CASK: variants seen among roughly 807,000 people sequenced by gnomAD.
CASK encodes peripheral plasma membrane protein CASK.
In CASK, 4 loss-of-function variants were observed where a neutral mutation model predicts 82.9. The observed-to-expected ratio is 0.05, with a 90% confidence interval of 0.02 to 0.11. The LOEUF is 0.11. Among genes scored for constraint, CASK ranks in the 10% least tolerant of loss-of-function variants. The pLI, the probability that CASK is intolerant of heterozygous loss-of-function variation, is 1.00. For synonymous variants in CASK, 259 were observed against 253.5 expected, an observed-to-expected ratio of 1.02 and a Z score of -0.20; for missense variants, 358 against 720.9, an observed-to-expected ratio of 0.50 and a Z score of 5.76.
chrX:41,886,873 C>T (rs1016264254), intron 1 of CASK, among the ~76,000 whole-genome samples: 27 of 111,130 alleles, frequency 2.4e-4, no homozygotes, highest in African/African-American at 8.1e-4. Flanking sequence ...TCTTTGACAC[C>T]AGGCATATAT....
chrX:41,723,580 G>A (rs894690172), intron 5 of CASK, among the ~76,000 whole-genome samples: 1 of 111,502 alleles, frequency 9.0e-6, no homozygotes, highest in Non-Finnish European at 1.9e-5. Flanking sequence ...AATGGAGATA[G>A]TGCAGGGCAA....
At chrX:41,750,852 T>C (rs2068775871) in intron 3 of CASK, among the ~76,000 whole-genome samples, 1 of 111,588 alleles carries the variant, frequency 9.0e-6, no homozygotes, top group South Asian at 3.7e-4. Flanking sequence ...AGGCACAAAA[T>C]CACGTGCTAT....
At chrX:41,801,728 C>T (rs957135508) in intron 2 of CASK, among the ~76,000 whole-genome samples, 1 of 111,365 alleles carries the variant, frequency 9.0e-6, no homozygotes, top group Non-Finnish European at 1.9e-5. Flanking sequence ...TATCTTTGGC[C>T]AAGCAAATTA....
rs375234421 is a variant in CASK, at chrX:41,837,871, T to C, written c.172+15244A>G. 8.9e-5 allele frequency among the ~76,000 whole-genome samples: 10 copies of C among 112,147 alleles called. No individual in the cohort carries two copies. In the East Asian group the frequency reaches 2.2e-3, roughly 25 times the overall value. ...GATGTACATTTCCCAGGAGTACACT[T>C]GCTGGGTTGTATGGCAAATGTATGT... On this transcript the variant is annotated intron_variant, in intron 2 of 26. Coordinates refer to ENST00000378163, the MANE Select transcript of CASK (RefSeq NM_001367721.1).
At chrX:41,689,011 A>T (rs2067494118) in intron 5 of CASK, 1 of 111,434 alleles carries the variant, frequency 9.0e-6, no homozygotes, top group Non-Finnish European at 1.9e-5. Context: ...AGCCCAGCTG[A>T]CACAACCAAG....
At chrX:41,836,474 C>T (rs1206199286) in intron 2 of CASK, among the ~76,000 whole-genome samples, 1 of 110,191 alleles carries the variant, frequency 9.1e-6, no homozygotes, top group African/African-American at 3.3e-5. Context: ...CCTTAAGAAT[C>T]TATAATTAAT....
intron 1 of CASK, among the ~76,000 whole-genome samples, chrX:41,892,758 A>T (rs759955969): frequency 2.7e-5 from 3 of 112,289 alleles, no homozygotes; most frequent in South Asian, 7.4e-4. Context: ...CTTAAAAAAA[A>T]TCTGAAATCT....
chrX:41,889,341 T>C (rs1284222514), intron 1 of CASK, among the ~76,000 whole-genome samples: 1 of 110,575 alleles, frequency 9.0e-6, no homozygotes, highest in Non-Finnish European at 1.9e-5. Context: ...TTATGGCCAT[T>C]CTTGCAGGAG....
intron 9 of CASK, among the ~76,000 whole-genome samples, chrX:41,632,951 G>C (rs1438739862): frequency 9.4e-6 from 1 of 106,632 alleles, no homozygotes; most frequent in African/African-American, 3.4e-5. Flanking sequence ...GCTGAGGCAG[G>C]ATAATCACTT....
intron 12 of CASK, among the ~76,000 whole-genome samples, chrX:41,591,722 G>A (rs990511235): frequency 1.8e-5 from 2 of 109,873 alleles, no homozygotes; most frequent in Non-Finnish European, 3.8e-5. Context: ...TGATCCGCCC[G>A]CCTCGGCCTC....
At chrX:41,821,399 T>G (rs1195034063) in intron 2 of CASK, among the ~76,000 whole-genome samples, 1 of 111,646 alleles carries the variant, frequency 9.0e-6, no homozygotes, top group African/African-American at 3.3e-5. Flanking sequence ...ATGGCTAAAA[T>G]TAAAAAGGAT....
At chrX:41,836,604 T>C (rs1365393250) in intron 2 of CASK, among the ~76,000 whole-genome samples, 1 of 111,722 alleles carries the variant, frequency 9.0e-6, no homozygotes, top group Non-Finnish European at 1.9e-5. Flanking sequence ...TGAGTTTTCA[T>C]TTTAAATATT....
intron 5 of CASK, among the ~76,000 whole-genome samples, chrX:41,714,826 T>C (rs904079472): frequency 8.9e-6 from 1 of 112,051 alleles, no homozygotes; most frequent in Non-Finnish European, 1.9e-5. Flanking sequence ...CAAATGGGGA[T>C]GGCAGTGCCC....
chrX:41,798,599 C>T (rs913261382), intron 2 of CASK, among the ~76,000 whole-genome samples: 2 of 112,495 alleles, frequency 1.8e-5, no homozygotes, highest in Non-Finnish European at 3.8e-5. Flanking sequence ...CTTTGGGAGG[C>T]CAAGGCAGGT....
chrX:41,826,884 T>C (rs747053092), intron 2 of CASK, among the ~76,000 whole-genome samples: 45 of 112,509 alleles, frequency 4.0e-4, no homozygotes, highest in African/African-American at 1.1e-3. Flanking sequence ...AGTGTAATTG[T>C]ATCCCTTTCA....
chrX:41,848,462 C>T (rs966743559), intron 2 of CASK, among the ~76,000 whole-genome samples: 11 of 111,762 alleles, frequency 9.8e-5, no homozygotes, highest in Non-Finnish European at 1.5e-4. Flanking sequence ...TCTCTTGCTT[C>T]CTCTCTTGCC....
At chrX:41,918,084 C>T (rs17250107) in intron 1 of CASK, among the ~76,000 whole-genome samples, 5,673 of 111,823 alleles carry the variant, frequency 0.051, 143 homozygotes, top group Non-Finnish European at 0.075. Context: ...GGAAAATTCT[C>T]GGTTCCTTCA....
In CASK at chrX:41,520,434, A is replaced by T. The variant is rs1292052935; in HGVS notation, c.2767T>A (p.Ser923Thr). ...VCTAPQWVPV[S>T]WVY Reference sequence around the variant, plus strand: ...TGGGGAGAGGCCTAATAGACCCAGGAGACAGGGACCCACTGTGGGGCTGTG... The same window carrying T: ...TGGGGAGAGGCCTAATAGACCCAGGTGACAGGGACCCACTGTGGGGCTGTG... The change falls in exon 27 of 27, where the codon TCC becomes ACC. Residue 923 changes from serine to threonine, a missense_variant. Around this residue, in one of 5 missense-constraint regions of CASK, gnomAD observed 118 missense variants for 169.4 expected, o/e 0.70. Transcript: ENST00000378163. 6.6e-6 allele frequency: 8 copies of T among 1,208,154 alleles called. No individual in the cohort carries two copies. Among genetic ancestry groups the T allele is most frequent in the Admixed American group, 2.2e-5 (1 of 46,036 alleles).
At chrX:41,674,103 G>A (rs1243202320) in intron 5 of CASK, among the ~76,000 whole-genome samples, 1 of 110,524 alleles carries the variant, frequency 9.0e-6, no homozygotes, top group Admixed American at 9.7e-5. Context: ...GATTTTAAAG[G>A]CAGACAATGA....
Sources: allele counts gnomAD v4.1 joint callset (sites outside exome capture counted in the v4.1 genomes callset), GRCh38; gene constraint gnomAD v4.1.1; regional missense constraint gnomAD v4.1.1; transcripts MANE v1.5; gene names NCBI Gene and HGNC (gene_info 2026-07-23, HGNC 2026-07-21).